Variants in CLEC16A observed in about 807,000 individuals in gnomAD.
The protein encoded by CLEC16A is C-type lectin domain containing 16A.
A neutral mutation model predicts 109.5 loss-of-function variants in CLEC16A; 51 were observed. The ratio of observed to expected loss-of-function variants is 0.47; its 90% CI spans 0.37 to 0.59. The LOEUF (loss-of-function observed/expected upper bound fraction) is 0.59. Ranked by LOEUF, CLEC16A falls within the 20% of genes least tolerant of loss-of-function variation. CLEC16A has a pLI of 0.00. For missense variants in CLEC16A, 1,339 were observed against 1,394.0 expected, an observed-to-expected ratio of 0.96 and a Z score of 0.63; for synonymous variants, 673 against 564.2, an observed-to-expected ratio of 1.19 and a Z score of -2.73.
At chr16:11,109,217 G>A (rs1483063781) in intron 19 of CLEC16A, among the ~76,000 whole-genome samples, 1 of 150,488 alleles carries the variant, frequency 6.6e-6, no homozygotes, top group African/African-American at 2.4e-5. Flanking sequence ...CCAGGCAGTG[G>A]TGCAGTGGTG....
chr16:11,086,525 C>T (rs574493501), intron 19 of CLEC16A, among the ~76,000 whole-genome samples: 4 of 152,128 alleles, frequency 2.6e-5, no homozygotes, highest in Admixed American at 6.5e-5. Flanking sequence ...TGGTGAGAGC[C>T]GAGACATTAT....
chr16:11,071,979 G>A (rs1189832513), intron 19 of CLEC16A, among the ~76,000 whole-genome samples: 2 of 151,998 alleles, frequency 1.3e-5, no homozygotes, highest in African/African-American at 4.8e-5. Flanking sequence ...AAGTGTGTAG[G>A]GGTAAAGTGT....
At chr16:11,022,322 A>G (rs1401138041) in intron 12 of CLEC16A, among the ~76,000 whole-genome samples, 4 of 143,484 alleles carry the variant, frequency 2.8e-5, no homozygotes, top group African/African-American at 7.9e-5. Context: ...GGCCAGAGTC[A>G]CCATGTCTGG....
intron 18 of CLEC16A, among the ~76,000 whole-genome samples, chr16:11,060,335 G>T (rs1464788623): frequency 6.6e-6 from 1 of 152,072 alleles, no homozygotes; most frequent in Admixed American, 6.6e-5. Flanking sequence ...ACTCACCCAG[G>T]GTAGGATTTT....
chr16:11,066,633 TA>T (rs1366366093), intron 19 of CLEC16A: 5 of 152,256 alleles, frequency 3.3e-5, no homozygotes, highest in African/African-American at 1.2e-4. Flanking sequence ...ACTTCTGACG[TA>T]ACCATGGTGC....
chr16:11,113,528 G>A (rs1451851632), intron 19 of CLEC16A, among the ~76,000 whole-genome samples: 2 of 152,008 alleles, frequency 1.3e-5, no homozygotes, highest in Non-Finnish European at 2.9e-5. Flanking sequence ...CATGGATGGT[G>A]CATGCCTTTA....
intron 10 of CLEC16A, among the ~76,000 whole-genome samples, chr16:10,984,452 G>C (rs2043506883): frequency 6.6e-6 from 1 of 152,134 alleles, no homozygotes; most frequent in African/African-American, 2.4e-5. Context: ...TAGTTCTGGG[G>C]ATACACAATG....
intron 14 of CLEC16A, chr16:11,040,197 A>G (rs2047247140): frequency 6.8e-6 from 2 of 294,744 alleles, no homozygotes; most frequent in African/African-American, 2.2e-5. Context: ...GCCCAAGGTA[A>G]TATTATGAGA....
intron 22 of CLEC16A, among the ~76,000 whole-genome samples, chr16:11,149,609 T>A (rs1023264725): frequency 1.3e-5 from 2 of 152,040 alleles, no homozygotes; most frequent in Non-Finnish European, 2.9e-5. Context: ...CTGAGCAACA[T>A]GGCAAAACCC....
chr16:11,148,040 T>TA (rs1340174655), intron 22 of CLEC16A, among the ~76,000 whole-genome samples: 1 of 152,224 alleles, frequency 6.6e-6, no homozygotes, highest in Non-Finnish European at 1.5e-5. Context: ...TCCTGTAAAT[T>TA]ATGAGATAAG....
intron 16 of CLEC16A, among the ~76,000 whole-genome samples, chr16:11,046,313 A>C (rs2047631191): frequency 6.6e-6 from 1 of 152,138 alleles, no homozygotes; most frequent in African/African-American, 2.4e-5. Flanking sequence ...CATTTATTAT[A>C]CCCTAAGTAT....
At chr16:11,084,195 A>G (rs896998768) in intron 19 of CLEC16A, among the ~76,000 whole-genome samples, 2 of 151,828 alleles carry the variant, frequency 1.3e-5, no homozygotes, top group Non-Finnish European at 2.9e-5. Flanking sequence ...TCCTGCCACC[A>G]TGGTCCCCTG....
intron 7 of CLEC16A, among the ~76,000 whole-genome samples, chr16:10,975,728 A>T (rs1296912847): frequency 2.0e-5 from 3 of 152,036 alleles, no homozygotes; most frequent in Non-Finnish European, 4.4e-5. Context: ...GCTCACTGCA[A>T]CCCAATCTCC....
At chr16:11,123,649 G>T (rs1405581152) in intron 20 of CLEC16A, 93 bp from the exon 21 acceptor site, 3 of 1,188,962 alleles carry the variant, frequency 2.5e-6, no homozygotes, top group Non-Finnish European at 3.7e-6. Flanking sequence ...TGAATTTGGA[G>T]ACCTCTTTCT....
intron 22 of CLEC16A, among the ~76,000 whole-genome samples, chr16:11,128,992 C>G (rs1378878504): frequency 2.0e-5 from 3 of 152,186 alleles, no homozygotes; most frequent in African/African-American, 7.2e-5. Context: ...AGAACAAAAT[C>G]CACATCTCTC....
intron 16 of CLEC16A, among the ~76,000 whole-genome samples, chr16:11,046,014 C>G (rs1256219313): frequency 6.6e-6 from 1 of 152,134 alleles, no homozygotes; most frequent in Non-Finnish European, 1.5e-5. Flanking sequence ...CCACTTTCCC[C>G]TTAGAACATC....
At chr16:10,988,066 C>T (rs949309400) in intron 10 of CLEC16A, among the ~76,000 whole-genome samples, 4 of 152,206 alleles carry the variant, frequency 2.6e-5, no homozygotes, top group Non-Finnish European at 5.9e-5. Context: ...CTAATTCTTG[C>T]TATAATTCGA....
At chr16:10,995,733 G>A (rs1180951084) in intron 10 of CLEC16A, among the ~76,000 whole-genome samples, 1 of 152,162 alleles carries the variant, frequency 6.6e-6, no homozygotes, top group African/African-American at 2.4e-5. Flanking sequence ...CTGTGGTCAG[G>A]GTCGCTTGGC....
chr16:11,004,420 G>A (rs536688117), intron 11 of CLEC16A, among the ~76,000 whole-genome samples: 24 of 152,248 alleles, frequency 1.6e-4, no homozygotes, highest in African/African-American at 5.8e-4. Flanking sequence ...AATGAACTTG[G>A]CATCTCCTCA....
Sources: gnomAD v4.1 joint callset for allele counts (sites outside exome capture counted in the v4.1 genomes callset) on GRCh38, gnomAD v4.1.1 for gene constraint, MANE v1.5 for transcripts, NCBI Gene and HGNC (gene_info 2026-07-23, HGNC 2026-07-21) for gene names.